The following TRRAP variants were observed in gnomAD, a reference collection of about 807,000 sequenced individuals.
TRRAP encodes the protein transformation/transcription domain-associated protein.
Under a neutral mutation model 438.8 loss-of-function variants are expected in TRRAP, and 41 were observed. That is an observed-to-expected ratio of 0.09 (90% CI 0.07 to 0.12). The LOEUF is 0.12. Among genes scored for constraint, TRRAP ranks in the 10% least tolerant of loss-of-function variants. The pLI, the probability that TRRAP is intolerant of heterozygous loss-of-function variation, is 1.00. For missense variants in TRRAP, 3,122 were observed against 5,055.1 expected, an observed-to-expected ratio of 0.62 and a Z score of 11.60; for synonymous variants, 1,994 against 1,962.9, an observed-to-expected ratio of 1.02 and a Z score of -0.42.
At position 98,910,241 on chromosome 7, in the gene TRRAP, A is replaced by G. The variant is rs782369460; in HGVS notation, c.1536A>G (p.Pro512=). 5.6e-5 allele frequency: 14 copies of G among 249,158 alleles called. No homozygotes were observed. Among genetic ancestry groups the G allele is most frequent in the South Asian group, 5.3e-4 (11 of 20,918 alleles). The allele number at this position is 249,158 out of a possible 1,614,324, so 15.4% of individuals were successfully genotyped here. A position where few individuals can be genotyped will look rare whatever the true frequency, so the allele number is the denominator to read the frequency against. Reference sequence around the variant, plus strand: ...CTGCCCCACCTCCACCCCCGCCCCCACCCCCACCTGCCACCCCTGTGACCC... The same window carrying G: ...CTGCCCCACCTCCACCCCCGCCCCCGCCCCCACCTGCCACCCCTGTGACCC... The part of the protein sequence containing the change: ...PVPAPPPPPP[P]PPPATPVTPA... Residue 512 remains proline (P), a synonymous_variant, in exon 15 of 73, where the codon CCA becomes CCG. Transcript: ENST00000456197.
Position 99,008,815 on chromosome 7 carries a change from C to T in TRRAP, c.10938+254C>T, listed in dbSNP as rs137995865. On this transcript the variant is annotated intron_variant, in intron 70 of 72. Transcript: ENST00000456197. ...TCCTCGACCTTGGAGAGGCCCCTTG[C>T]CCTCTGCCTGTACTTACAAAGAAGC... Among the ~76,000 whole-genome samples the T allele has an allele frequency of 1.6e-3, 249 of 152,308 alleles. 2 individuals carry two copies. The highest frequency in any genetic ancestry group is 5.7e-3 in the African/African-American group (238 of 41,566).
intron 65 of TRRAP, among the ~76,000 whole-genome samples, chr7:98,992,988 A>T (rs1302977051): frequency 6.6e-6 from 1 of 152,136 alleles, no homozygotes; most frequent in Non-Finnish European, 1.5e-5. Flanking sequence ...TTCAGAAAAA[A>T]ATGGTCATTA....
intron 17 of TRRAP, 46 bp downstream of exon 17, chr7:98,911,317 G>T (rs1223496464): frequency 3.3e-6 from 5 of 1,495,614 alleles, no homozygotes; most frequent in East Asian, 2.3e-5. Flanking sequence ...ACAATTCTTT[G>T]TTTATGTCTT....
rs1554408364 is a variant in TRRAP at position 98,910,077 on chromosome 7, A to G, written c.1372A>G (p.Thr458Ala). ...MLEVFVLKFH[T>A]IARYQLSAIF... Reference sequence around the variant, plus strand: ...TTAGGTTTTCGTTCTCAAATTCCACACAATTGCTCGGTACCAGCTCTCTGC... The same window carrying G: ...TTAGGTTTTCGTTCTCAAATTCCACGCAATTGCTCGGTACCAGCTCTCTGC... The change falls in exon 15 of 73, where the codon ACA becomes GCA. Residue 458 changes from threonine (T) to alanine (A), a missense_variant. Thr to Ala is a moderately conservative substitution (Grantham distance 58). Around this residue, in one of 24 missense-constraint regions of TRRAP, gnomAD observed 115 missense variants for 124.6 expected, o/e 0.92. Transcript: ENST00000456197. 11 of 1,542,270 alleles carry G rather than the reference A, an allele frequency of 7.1e-6. No individual in the cohort carries two copies. Among genetic ancestry groups the G allele is most frequent in the East Asian group, 2.3e-5 (1 of 44,244 alleles).
chr7:99,007,566 C>G (rs997701738), intron 69 of TRRAP, among the ~76,000 whole-genome samples: 1 of 151,932 alleles, frequency 6.6e-6, no homozygotes, highest in Non-Finnish European at 1.5e-5. Context: ...CCAGGCTGGT[C>G]TCAAACTCCT....
rs1794068216 is a variant in TRRAP, at chr7:99,004,390, A to C, written c.10510A>C (p.Thr3504Pro). ...TGGGGAGTTTCTGATGCCAAAGCCA[A>C]CGCATTATTACATCAAGATTGCACG... is the stretch of plus-strand genomic sequence containing the variant. ...IPGEFLMPKP[T>P]HYYIKIARFM... The change falls in exon 68 of 73, where the codon ACG (threonine) becomes CCG (proline). Residue 3504 changes from threonine (T) to proline (P), a missense_variant. Transcript: ENST00000456197. The C allele has an allele frequency of 6.2e-7, 1 of 1,614,004 alleles. No individual in the cohort carries two copies. The highest frequency in any genetic ancestry group is 8.5e-7 in the Non-Finnish European group (1 of 1,180,026).
At position 98,976,519 on chromosome 7, in the gene TRRAP, G is replaced by A. The variant is rs959742718; in HGVS notation, c.7996G>A (p.Gly2666Ser). Residue 2666 changes from glycine (G) to serine (S), a missense_variant, in exon 55 of 73, where the codon GGC becomes AGC. Gly to Ser is a moderately conservative substitution (Grantham distance 56). Transcript: ENST00000456197. The surrounding 1 kb of genome is among the most constrained non-coding windows in gnomAD (Gnocchi z 4.6). ...AGEISPFLCS[G>S]SHQVQRDCQP... Reference sequence around the variant, plus strand: ...TGAGATAAGTCCATTTCTGTGCAGCGGCAGTCACCAGGTGCAGCGGGACTG... The same window carrying A: ...TGAGATAAGTCCATTTCTGTGCAGCAGCAGTCACCAGGTGCAGCGGGACTG... 1 of 1,612,768 alleles carries A rather than the reference G, an allele frequency of 6.2e-7. No homozygotes were observed. Among genetic ancestry groups the A allele is most frequent in the East Asian group, 2.2e-5 (1 of 44,868 alleles).
intron 23 of TRRAP, among the ~76,000 whole-genome samples, chr7:98,928,653 T>C (rs570959979): frequency 6.6e-6 from 1 of 152,242 alleles, no homozygotes; most frequent in Non-Finnish European, 1.5e-5. Context: ...TGTTGTTGTA[T>C]GTTAGGAATA....
At chr7:99,004,561 T>A in intron 68 of TRRAP, 146 bp downstream of exon 68, 1 of 762,430 alleles carries the variant, frequency 1.3e-6, no homozygotes, top group Non-Finnish European at 2.1e-6. Context: ...GGAATGTAAG[T>A]GGTCAGGCAC....
At chr7:98,883,148 G>T (rs1554403422) in intron 3 of TRRAP, among the ~76,000 whole-genome samples, 1 of 152,202 alleles carries the variant, frequency 6.6e-6, no homozygotes, top group African/African-American at 2.4e-5. Context: ...ATGTCCCTCA[G>T]ACACTTTTCA....
At chr7:98,969,235 TG>T (rs1342036923) in intron 51 of TRRAP, among the ~76,000 whole-genome samples, 3 of 152,254 alleles carry the variant, frequency 2.0e-5, no homozygotes, top group African/African-American at 7.2e-5. Context: ...CTCCAGGCTA[TG>T]GTCCCCATAG....
chr7:98,899,358 A>T (rs1322062429), intron 8 of TRRAP, 64 bp from the exon 9 acceptor site: 3 of 1,365,482 alleles, frequency 2.2e-6, no homozygotes, highest in East Asian at 4.6e-5. Context: ...CTCAGTGGGC[A>T]CTGGTGGGGG....
intron 58 of TRRAP, among the ~76,000 whole-genome samples, chr7:98,981,413 A>C (rs1792908943): frequency 6.6e-6 from 1 of 152,152 alleles, no homozygotes; most frequent in Non-Finnish European, 1.5e-5. Context: ...AAAAAATAAT[A>C]ATAATAATGC....
At chr7:98,953,101 G>A (rs1554418607) in intron 39 of TRRAP, 66 bp from the exon 40 acceptor site, 15 of 1,531,372 alleles carry the variant, frequency 9.8e-6, no homozygotes, top group East Asian at 2.4e-5. Context: ...TAAACCTGTC[G>A]TATGACCCTC....
intron 1 of TRRAP, among the ~76,000 whole-genome samples, chr7:98,880,553 C>T (rs1481495236): frequency 6.6e-6 from 1 of 152,064 alleles, no homozygotes. Context: ...TGAGCCACTG[C>T]GCCTGGCCTG....
intron 8 of TRRAP, 136 bp downstream of exon 8, chr7:98,898,002 C>A: frequency 7.2e-7 from 1 of 1,387,008 alleles, no homozygotes; most frequent in Non-Finnish European, 1.0e-6. Flanking sequence ...CATCACTGGT[C>A]CTTCTCTGCA....
At position 98,921,836 on chromosome 7, in the gene TRRAP, C is replaced by G; in HGVS notation, c.2706C>G (p.Asn902Lys). Reference protein sequence around the residue: ...YRVLGKFGGSNRKMLKESQKL... With the variant: ...YRVLGKFGGSKRKMLKESQKL... ...TGCTCGGTAAGTTTGGCGGCAGTAA[C>G]AGGAAGATGCTGAAGGAGTCGCAGA... is the stretch of plus-strand genomic sequence containing the variant. The change falls in exon 21 of 73, where the codon AAC becomes AAG. Residue 902 changes from asparagine (N) to lysine (K), a missense_variant. Transcript: ENST00000456197. 6.2e-7 allele frequency: 1 copy of G among 1,614,240 alleles called. No homozygotes were observed. Among genetic ancestry groups the G allele is most frequent in the Non-Finnish European group, 8.5e-7 (1 of 1,180,046 alleles).
At chr7:98,997,310 G>A (rs1050688456) in intron 67 of TRRAP, among the ~76,000 whole-genome samples, 16 of 151,690 alleles carry the variant, frequency 1.1e-4, no homozygotes, top group African/African-American at 3.6e-4. Flanking sequence ...TCTCAAAAAA[G>A]AATATGTTCT....
Position 98,988,828 on chromosome 7 carries a change from C to G in TRRAP, c.9453C>G (p.Ala3151=). 1 of 1,614,224 alleles carries G rather than the reference C, an allele frequency of 6.2e-7. No homozygotes were observed. The highest frequency in any genetic ancestry group is 8.5e-7 in the Non-Finnish European group (1 of 1,180,046). Residue 3151 remains alanine (A), a synonymous_variant, in exon 63 of 73, where the codon GCC becomes GCG. Coordinates refer to ENST00000456197, the MANE Select transcript of TRRAP (RefSeq NM_001375524.1). ...AVQMHDVLVK[A]WAMWGDYLEN... ...AGATGCACGATGTGCTGGTGAAAGC[C>G]TGGGCCATGTGGGGCGACTACCTGG...
Sources: gnomAD v4.1 joint callset for allele counts (sites outside exome capture counted in the v4.1 genomes callset) on GRCh38, gnomAD v4.1.1 for gene constraint, gnomAD v4.1.1 regional missense constraint, Gnocchi (gnomAD v3.1) non-coding constraint, MANE v1.5 for transcripts, NCBI Gene and HGNC (gene_info 2026-07-23, HGNC 2026-07-21) for gene names.